RNF220: variants seen among roughly 807,000 people sequenced by gnomAD.
RNF220 encodes ring finger protein 220.
A neutral mutation model predicts 67.1 loss-of-function variants in RNF220; 7 were observed. The observed-to-expected ratio is 0.10, with a 90% confidence interval of 0.06 to 0.20. The LOEUF (loss-of-function observed/expected upper bound fraction) is 0.20, where lower values mean the gene tolerates loss of function less well. Ranked by LOEUF, RNF220 falls within the 10% of genes least tolerant of loss-of-function variation. The pLI, the probability that RNF220 is intolerant of heterozygous loss-of-function variation, is 1.00. For synonymous variants in RNF220, 270 were observed against 283.2 expected, an observed-to-expected ratio of 0.95 and a Z score of 0.47; for missense variants, 565 against 740.3, an observed-to-expected ratio of 0.76 and a Z score of 2.75.
chr1:44,533,450 G>A (rs892187598), intron 2 of RNF220, among the ~76,000 whole-genome samples: 14 of 152,036 alleles, frequency 9.2e-5, no homozygotes, highest in African/African-American at 3.4e-4. Flanking sequence ...TGGCACCACT[G>A]AACTCCAGCC....
chr1:44,447,696 A>C (rs561535289), intron 2 of RNF220, among the ~76,000 whole-genome samples: 1 of 152,352 alleles, frequency 6.6e-6, no homozygotes, highest in Non-Finnish European at 1.5e-5. Context: ...AACCCTCACC[A>C]TAAGCCAGTG....
In RNF220 at chr1:44,540,464, C is replaced by T. The variant is rs954975404; in HGVS notation, c.626-73701C>T. On this transcript the variant is annotated intron_variant, in intron 2 of 14. Transcript: ENST00000361799. ...CTCCTGGAATGGATCACAAGAGACT[C>T]ATTAGAAAAAACAAATATTATCGCA... 8.5e-5 allele frequency among the ~76,000 whole-genome samples: 13 copies of T among 152,254 alleles called. No individual in the cohort carries two copies. In the East Asian group the frequency reaches 2.5e-3, roughly 29 times the overall value.
At chr1:44,623,037 G>A (rs1643862198) in intron 4 of RNF220, among the ~76,000 whole-genome samples, 1 of 152,208 alleles carries the variant, frequency 6.6e-6, no homozygotes, top group African/African-American at 2.4e-5. Flanking sequence ...CCAGCCAGGA[G>A]AGGGGTCAGA....
At chr1:44,454,878 T>A (rs947047263) in intron 2 of RNF220, among the ~76,000 whole-genome samples, 6 of 152,342 alleles carry the variant, frequency 3.9e-5, no homozygotes, top group Non-Finnish European at 8.8e-5. Context: ...AGTTTCTTCC[T>A]TTTTGTTACT....
intron 2 of RNF220, among the ~76,000 whole-genome samples, chr1:44,529,248 A>G (rs1660643648): frequency 6.6e-6 from 1 of 152,184 alleles, no homozygotes; most frequent in Non-Finnish European, 1.5e-5. Flanking sequence ...ATATGATAAA[A>G]TATTGTTCAG....
intron 2 of RNF220, among the ~76,000 whole-genome samples, chr1:44,415,330 G>A (rs962547465): frequency 6.6e-6 from 1 of 151,696 alleles, no homozygotes; most frequent in South Asian, 2.1e-4. Flanking sequence ...TCAGATAATC[G>A]AGTGACAGTA....
intron 2 of RNF220, among the ~76,000 whole-genome samples, chr1:44,603,864 GCAGGCA>G (rs1413636204): frequency 1.3e-5 from 2 of 152,256 alleles, no homozygotes; most frequent in Non-Finnish European, 2.9e-5. Context: ...ATCCAGCCCT[GCAGGCA>G]CTTGTAATCA....
chr1:44,568,754 G>A (rs762627303), intron 2 of RNF220, among the ~76,000 whole-genome samples: 2 of 152,184 alleles, frequency 1.3e-5, no homozygotes, highest in Non-Finnish European at 2.9e-5. Flanking sequence ...GGTGGAGTCC[G>A]AGCTCCCCCA....
intron 2 of RNF220, among the ~76,000 whole-genome samples, chr1:44,463,513 T>C (rs1653985565): frequency 6.6e-6 from 1 of 152,122 alleles, no homozygotes; most frequent in African/African-American, 2.4e-5. Context: ...CTTTTGAACC[T>C]AATTTTATAT....
At chr1:44,557,726 C>T (rs1243746880) in intron 2 of RNF220, among the ~76,000 whole-genome samples, 2 of 152,196 alleles carry the variant, frequency 1.3e-5, no homozygotes, top group Non-Finnish European at 2.9e-5. Flanking sequence ...TATAAAATCA[C>T]CTTTATTCAT....
chr1:44,551,682 G>A (rs1662650580), intron 2 of RNF220, among the ~76,000 whole-genome samples: 1 of 151,978 alleles, frequency 6.6e-6, no homozygotes, highest in Non-Finnish European at 1.5e-5. Flanking sequence ...TTAGCCAAAG[G>A]GGAAAAAAAA....
chr1:44,546,197 T>C (rs1253277703), intron 2 of RNF220, among the ~76,000 whole-genome samples: 1 of 152,050 alleles, frequency 6.6e-6, no homozygotes, highest in African/African-American at 2.4e-5. Flanking sequence ...GCTGGCGAGC[T>C]CACTCTCGGT....
chr1:44,593,054 T>C (rs1328581982), intron 2 of RNF220, among the ~76,000 whole-genome samples: 2 of 152,068 alleles, frequency 1.3e-5, no homozygotes, highest in Non-Finnish European at 2.9e-5. Context: ...TCTCTTTTGG[T>C]CACAGAAGCC....
At chr1:44,566,516 G>A (rs963247474) in intron 2 of RNF220, among the ~76,000 whole-genome samples, 1 of 135,236 alleles carries the variant, frequency 7.4e-6, no homozygotes, top group African/African-American at 2.5e-5. Context: ...GGCCCTCCCC[G>A]TCAAGGCTGC....
chr1:44,614,006 G>T (rs1643431458), intron 2 of RNF220, among the ~76,000 whole-genome samples, 159 bp from the exon 3 acceptor site: 1 of 152,238 alleles, frequency 6.6e-6, no homozygotes, highest in Non-Finnish European at 1.5e-5. Context: ...GAGCTGCAAG[G>T]AGGAGGGGTG....
chr1:44,556,906 TAGAC>T (rs1302465593), intron 2 of RNF220, among the ~76,000 whole-genome samples: 1 of 151,796 alleles, frequency 6.6e-6, no homozygotes, highest in Non-Finnish European at 1.5e-5. Context: ...CAGATGTTGC[TAGAC>T]AGGGAGGGGA....
At chr1:44,521,139 C>T (rs952343219) in intron 2 of RNF220, among the ~76,000 whole-genome samples, 11 of 152,332 alleles carry the variant, frequency 7.2e-5, no homozygotes, top group African/African-American at 2.4e-4. Flanking sequence ...TCAAGTGATC[C>T]TCCCAACTTG....
chr1:44,452,794 T>G (rs1393863815), intron 2 of RNF220, among the ~76,000 whole-genome samples: 3 of 152,120 alleles, frequency 2.0e-5, no homozygotes, highest in African/African-American at 4.8e-5. Context: ...TTATCTTTCC[T>G]TTTTCTTTGC....
intron 2 of RNF220, among the ~76,000 whole-genome samples, chr1:44,452,619 C>T (rs1652805339): frequency 6.6e-6 from 1 of 151,916 alleles, no homozygotes; most frequent in East Asian, 1.9e-4. Flanking sequence ...ATTCTACCTT[C>T]TTTTTTATTT....
Sources: gnomAD v4.1 joint callset for allele counts (sites outside exome capture counted in the v4.1 genomes callset) on GRCh38, gnomAD v4.1.1 for gene constraint, MANE v1.5 for transcripts, NCBI Gene and HGNC (gene_info 2026-07-23, HGNC 2026-07-21) for gene names.